The following GALNT13 variants were observed in gnomAD, a reference collection of about 807,000 sequenced individuals.
The protein encoded by GALNT13 is UDP-GalNAc:polypeptide N-acetylgalactosaminyltransferase 13.
GALNT13 carries 28 observed loss-of-function variants against 64.2 expected under a neutral mutation model. The observed-to-expected ratio is 0.44, with a 90% confidence interval of 0.32 to 0.60. The LOEUF (loss-of-function observed/expected upper bound fraction) is 0.60. Among genes scored for constraint, GALNT13 ranks in the 20% least tolerant of loss-of-function variants. The pLI, the probability that GALNT13 is intolerant of heterozygous loss-of-function variation, is 0.05. For synonymous variants in GALNT13, 214 were observed against 224.6 expected, an observed-to-expected ratio of 0.95 and a Z score of 0.42; for missense variants, 577 against 669.8, an observed-to-expected ratio of 0.86 and a Z score of 1.53.
the GALNT13 span, among the ~76,000 whole-genome samples, chr2:153,461,999 G>T: frequency 3.3e-5 from 5 of 152,024 alleles, no homozygotes; most frequent in East Asian, 9.6e-4. Context: ...AGTAAAATTT[G>T]TATCTGCTGC....
At chr2:153,309,808 T>C in the GALNT13 span, among the ~76,000 whole-genome samples, 1 of 152,140 alleles carries the variant, frequency 6.6e-6, no homozygotes, top group Non-Finnish European at 1.5e-5. Flanking sequence ...AGCATATACC[T>C]AGGTAAATAC....
chr2:153,256,480 C>T, the GALNT13 span, among the ~76,000 whole-genome samples: 1 of 152,312 alleles, frequency 6.6e-6, no homozygotes, highest in South Asian at 2.1e-4. Flanking sequence ...CAACGTCATT[C>T]TCCGTCCAGC....
At chr2:153,651,651 C>A in the GALNT13 span, among the ~76,000 whole-genome samples, 1 of 152,084 alleles carries the variant, frequency 6.6e-6, no homozygotes, top group Non-Finnish European at 1.5e-5. Context: ...TTGAAGCTGA[C>A]CATAGGGCTG....
the GALNT13 span, among the ~76,000 whole-genome samples, chr2:153,301,911 GTA>G: frequency 6.8e-6 from 1 of 147,516 alleles, no homozygotes; most frequent in East Asian, 2.0e-4. Context: ...GTGTGTGTGT[GTA>G]TAGTATATCA....
At chr2:153,584,494 C>T in the GALNT13 span, among the ~76,000 whole-genome samples, 1 of 152,198 alleles carries the variant, frequency 6.6e-6, no homozygotes. Context: ...CATGAAAGCA[C>T]AGTGCTTGGA....
chr2:153,799,351 G>A, the GALNT13 span, among the ~76,000 whole-genome samples: 2 of 152,232 alleles, frequency 1.3e-5, no homozygotes, highest in African/African-American at 4.8e-5. Context: ...CAGACCCTGT[G>A]TACCTTCCCC....
chr2:153,418,105 T>G, the GALNT13 span, among the ~76,000 whole-genome samples: 54 of 152,208 alleles, frequency 3.5e-4, no homozygotes, highest in Non-Finnish European at 6.9e-4. Context: ...AGTATCCAGG[T>G]GGACCCAATG....
At chr2:153,359,202 A>G in the GALNT13 span, among the ~76,000 whole-genome samples, 86 of 152,344 alleles carry the variant, frequency 5.6e-4, 1 homozygote, top group African/African-American at 2.0e-3. Flanking sequence ...ACTGAAGTTT[A>G]TATCGAACTG....
the GALNT13 span, chr2:153,159,513 A>G: frequency 6.6e-6 from 1 of 152,446 alleles, no homozygotes; most frequent in African/African-American, 2.4e-5. Context: ...CGAGTATATA[A>G]GGAGGTAAAG....
At chr2:154,199,761 A>G (rs373289211) in intron 4 of GALNT13, among the ~76,000 whole-genome samples, 25 of 152,100 alleles carry the variant, frequency 1.6e-4, no homozygotes, top group African/African-American at 3.6e-4. Context: ...GGAATCTGCA[A>G]TTTTCTAAAA....
intron 3 of GALNT13, among the ~76,000 whole-genome samples, chr2:154,061,627 G>A (rs1328459151): frequency 2.0e-5 from 3 of 152,144 alleles, no homozygotes; most frequent in Non-Finnish European, 2.9e-5. Flanking sequence ...TTTGACATGA[G>A]ATTTGAATGG....
At chr2:154,319,170 A>G (rs1694486840) in intron 9 of GALNT13, among the ~76,000 whole-genome samples, 1 of 152,200 alleles carries the variant, frequency 6.6e-6, no homozygotes, top group African/African-American at 2.4e-5. Flanking sequence ...GGAAATTAAG[A>G]AAATAGAATA....
chr2:153,619,103 C>G, the GALNT13 span, among the ~76,000 whole-genome samples: 3 of 151,874 alleles, frequency 2.0e-5, no homozygotes, highest in Non-Finnish European at 2.9e-5. Context: ...TTCCTTGTTT[C>G]TTTCCTTCCT....
the GALNT13 span, among the ~76,000 whole-genome samples, chr2:153,603,032 A>G: frequency 6.6e-6 from 1 of 151,870 alleles, no homozygotes; most frequent in Admixed American, 6.6e-5. Context: ...TCTGAAAAAT[A>G]GTGTTGTGTT....
At position 154,099,649 on chromosome 2, in the gene GALNT13, C is replaced by T. The variant is rs529637241; in HGVS notation, c.143-40688C>T. Among the ~76,000 whole-genome samples the T allele has an allele frequency of 4.6e-5, 7 of 152,124 alleles. 1 individual carries two copies. In the South Asian group the frequency reaches 1.0e-3, roughly 23 times the overall value. ...TCTGCATATGGCTAGCCAATTTTCC[C>T]AGCACCGGTCAGGCACGGAGGCTCA... On this transcript the variant is annotated intron_variant, in intron 3 of 12. Transcript: ENST00000392825.
the GALNT13 span, among the ~76,000 whole-genome samples, chr2:153,525,975 A>G: frequency 6.6e-6 from 1 of 152,232 alleles, no homozygotes; most frequent in South Asian, 2.1e-4. Flanking sequence ...GCCTTTAGAA[A>G]AGGGAGGAAA....
intron 4 of GALNT13, among the ~76,000 whole-genome samples, chr2:154,180,445 A>C (rs543433123): frequency 2.0e-5 from 3 of 152,016 alleles, no homozygotes; most frequent in African/African-American, 7.2e-5. Flanking sequence ...AAATACAAAT[A>C]TTGCTGTTTA....
At chr2:153,841,802 T>C in the GALNT13 span, among the ~76,000 whole-genome samples, 1 of 152,194 alleles carries the variant, frequency 6.6e-6, no homozygotes, top group African/African-American at 2.4e-5. Context: ...TCCTTCTTTA[T>C]TAAGTAGTCT....
At chr2:154,239,671 G>A (rs372338297) in intron 4 of GALNT13, among the ~76,000 whole-genome samples, 32 of 152,168 alleles carry the variant, frequency 2.1e-4, no homozygotes, top group African/African-American at 7.0e-4. Flanking sequence ...CTTTTCCCAT[G>A]CCTTACATTT....
Sources: allele counts gnomAD v4.1 joint callset (sites outside exome capture counted in the v4.1 genomes callset), GRCh38; gene constraint gnomAD v4.1.1; transcripts MANE v1.5; gene names NCBI Gene and HGNC (gene_info 2026-07-23, HGNC 2026-07-21).